The following KIF20B variants were observed in gnomAD, a reference collection of about 807,000 sequenced individuals.
The protein encoded by KIF20B is kinesin-like protein KIF20B.
In KIF20B, 188 loss-of-function variants were observed where a neutral mutation model predicts 232.5. The ratio of observed to expected loss-of-function variants is 0.81; its 90% CI spans 0.72 to 0.91. KIF20B has a LOEUF of 0.91. Ranked by LOEUF, KIF20B falls within the 40% of genes least tolerant of loss-of-function variation. The pLI, the probability that KIF20B is intolerant of heterozygous loss-of-function variation, is 0.00. For missense variants in KIF20B, 2,154 were observed against 2,055.9 expected, an observed-to-expected ratio of 1.05 and a Z score of -0.92; for synonymous variants, 712 against 683.0, an observed-to-expected ratio of 1.04 and a Z score of -0.66.
At chr10:89,763,284 A>G (rs1225747167) in intron 29 of KIF20B, among the ~76,000 whole-genome samples, 1 of 152,166 alleles carries the variant, frequency 6.6e-6, no homozygotes, top group Non-Finnish European at 1.5e-5. Flanking sequence ...GTCTCAGAAA[A>G]ATAAAGAATA....
chr10:89,754,299 T>C (rs1842077680), intron 25 of KIF20B, among the ~76,000 whole-genome samples: 1 of 152,084 alleles, frequency 6.6e-6, no homozygotes, highest in South Asian at 2.1e-4. Flanking sequence ...ATGGACTTCA[T>C]AGCAAAATTA....
chr10:89,706,831 A>G (rs1296243760), intron 2 of KIF20B, among the ~76,000 whole-genome samples: 2 of 152,040 alleles, frequency 1.3e-5, no homozygotes, highest in Admixed American at 1.3e-4. Context: ...GATTCTTGAA[A>G]TTAGGTAGTG....
At chr10:89,739,561 C>A (rs1255068489) in intron 21 of KIF20B, among the ~76,000 whole-genome samples, 1 of 121,856 alleles carries the variant, frequency 8.2e-6, no homozygotes, top group Non-Finnish European at 1.7e-5. Context: ...TCAAATGTTA[C>A]CAATTTCTTT....
At chr10:89,763,741 C>T (rs1185408073) in intron 29 of KIF20B, among the ~76,000 whole-genome samples, 2 of 151,854 alleles carry the variant, frequency 1.3e-5, no homozygotes, top group Admixed American at 6.6e-5. Context: ...ATCCTGTTTT[C>T]TCCTTTTTGG....
intron 29 of KIF20B, among the ~76,000 whole-genome samples, chr10:89,764,552 C>T (rs1842313918): frequency 6.6e-6 from 1 of 152,184 alleles, no homozygotes; most frequent in Non-Finnish European, 1.5e-5. Flanking sequence ...TCCTCTCCAG[C>T]ACCTGTTGTT....
intron 17 of KIF20B, among the ~76,000 whole-genome samples, chr10:89,728,264 AC>A (rs1564663636): frequency 1.3e-5 from 2 of 152,180 alleles, no homozygotes; most frequent in Non-Finnish European, 2.9e-5. Context: ...AATAGTAGAC[AC>A]TAGTTGTACC....
intron 9 of KIF20B, 56 bp from the exon 10 acceptor site, chr10:89,717,364 CTCCT>C: frequency 9.7e-7 from 1 of 1,033,368 alleles, no homozygotes; most frequent in South Asian, 1.4e-5. Flanking sequence ...ATACTTGTCT[CTCCT>C]ATTTAGAATG....
chr10:89,768,615 T>C, intron 30 of KIF20B, 123 bp from the exon 31 acceptor site: 1 of 954,964 alleles, frequency 1.0e-6, no homozygotes, highest in Non-Finnish European at 1.5e-6. Context: ...TGTCCTTACA[T>C]ACTTAAAGTT....
chr10:89,754,724 T>A (rs753807967), intron 26 of KIF20B, 51 bp downstream of exon 26: 3 of 1,315,520 alleles, frequency 2.3e-6, no homozygotes, highest in Non-Finnish European at 3.0e-6. Context: ...CCTTGGTGTG[T>A]TAAATGTATT....
At chr10:89,733,981 G>A (rs527824345) in intron 19 of KIF20B, among the ~76,000 whole-genome samples, 1 of 151,944 alleles carries the variant, frequency 6.6e-6, no homozygotes, top group East Asian at 1.9e-4. Flanking sequence ...ATACAGTATC[G>A]AAGGCAAAAC....
chr10:89,731,116 C>T (rs1843308705), intron 18 of KIF20B, among the ~76,000 whole-genome samples: 1 of 152,094 alleles, frequency 6.6e-6, no homozygotes, highest in Non-Finnish European at 1.5e-5. Context: ...ATGCTTTTTG[C>T]TCTCATCTCT....
intron 23 of KIF20B, among the ~76,000 whole-genome samples, chr10:89,749,768 T>G (rs1394139955): frequency 6.6e-6 from 1 of 152,206 alleles, no homozygotes; most frequent in Non-Finnish European, 1.5e-5. Flanking sequence ...TGAATAATAT[T>G]CCGCATTTTA....
At chr10:89,739,370 A>G (rs1181221209) in intron 21 of KIF20B, among the ~76,000 whole-genome samples, 1 of 152,198 alleles carries the variant, frequency 6.6e-6, no homozygotes, top group Non-Finnish European at 1.5e-5. Flanking sequence ...AAAAGTGGAA[A>G]GCAACTTGTT....
chr10:89,714,724 A>G (rs1312518699), intron 7 of KIF20B, among the ~76,000 whole-genome samples: 51 of 152,128 alleles, frequency 3.4e-4, no homozygotes, highest in Non-Finnish European at 8.8e-5. Flanking sequence ...TTTAATTTCT[A>G]TTGGTTCATT....
At chr10:89,767,116 A>G (rs1287349230) in intron 29 of KIF20B, among the ~76,000 whole-genome samples, 3 of 151,752 alleles carry the variant, frequency 2.0e-5, no homozygotes, top group Non-Finnish European at 4.4e-5. Flanking sequence ...GCTATAATAA[A>G]CTAAGTACAT....
At chr10:89,761,270 A>G (rs564706891) in intron 28 of KIF20B, among the ~76,000 whole-genome samples, 44 of 152,298 alleles carry the variant, frequency 2.9e-4, no homozygotes, top group African/African-American at 8.9e-4. Flanking sequence ...AGAATCTAGT[A>G]AGGTAGATAC....
rs61869259 is a variant in KIF20B, at chr10:89,725,173, G to A, written c.2001+15G>A. 6,538 of 1,612,622 alleles carry A rather than the reference G, an allele frequency of 4.1e-3. 17 individuals carry two copies. Among genetic ancestry groups the A allele is most frequent in the Non-Finnish European group, 4.9e-3 (5,809 of 1,179,098 alleles). ...TTGAAACTGAAGTATGTTAATTGAA[G>A]TATTTAAAAATATCCAGTGAGGTTT... On this transcript the variant is annotated intron_variant, in intron 15 of 32. Coordinates refer to ENST00000371728, the MANE Select transcript of KIF20B (RefSeq NM_001284259.2).
intron 1 of KIF20B, among the ~76,000 whole-genome samples, chr10:89,704,612 A>G (rs1220494806): frequency 6.6e-6 from 1 of 151,662 alleles, no homozygotes; most frequent in African/African-American, 2.4e-5. Flanking sequence ...GCTTGAGTGC[A>G]GTGGCGCGAT....
chr10:89,716,013 A>AAATAAATAAAT lies in KIF20B; in HGVS notation c.941-413_941-412insTAATAAATAAA, dbSNP rs1474993851. On this transcript the variant is annotated intron_variant, in intron 8 of 32. Coordinates refer to ENST00000371728, the MANE Select transcript of KIF20B (RefSeq NM_001284259.2). ...CTCCAAAATAAATAAATAAATAAAT[A>AAATAAATAAAT]AATAAATAAAAATTAAAATACTGGT... 6.0e-4 allele frequency among the ~76,000 whole-genome samples: 91 copies of AAATAAATAAAT among 152,166 alleles called. 3 individuals carry two copies. The South Asian group carries it at 0.018, about 31-fold the overall frequency.
Sources: gnomAD v4.1 joint callset for allele counts (sites outside exome capture counted in the v4.1 genomes callset) on GRCh38, gnomAD v4.1.1 for gene constraint, MANE v1.5 for transcripts, NCBI Gene and HGNC (gene_info 2026-07-23, HGNC 2026-07-21) for gene names.